The following NBAS variants were observed in gnomAD, a reference collection of about 807,000 sequenced individuals.
The protein encoded by NBAS is NAG/BC035112 fusion.
NBAS carries 219 observed loss-of-function variants against 302.5 expected under a neutral mutation model. The observed-to-expected ratio is 0.72, with a 90% CI of 0.65 to 0.81. The LOEUF is 0.81. Among genes scored for constraint, NBAS ranks in the 30% least tolerant of loss-of-function variants. The pLI is 0.00. For missense variants in NBAS, 2,932 were observed against 2,841.6 expected (o/e 1.03, Z -0.72); for synonymous variants, 1,118 against 1,021.6 (o/e 1.09, Z -1.80).
In NBAS at chr2:15,167,252, G is replaced by A. The variant is rs1558402821; in HGVS notation, c.6912C>T (p.Val2304=). ...LLDAKLLVKC[V]STPFYPRIVD... ...CAATACGTGGATAGAAGGGAGTGGA[G>A]ACACACTTCACCAGCAGCTTGGCAT... The change falls in exon 52 of 52, where the codon GTC becomes GTT. Residue 2304 remains valine (V), a synonymous_variant. Transcript: ENST00000281513. 8 of 1,614,240 alleles carry A rather than the reference G, an allele frequency of 5.0e-6. No individual in the cohort carries two copies. Among genetic ancestry groups the A allele is most frequent in the African/African-American group, 1.3e-5 (1 of 75,066 alleles).
At chr2:15,374,001 C>T (rs1484920964) in intron 31 of NBAS, among the ~76,000 whole-genome samples, 1 of 152,134 alleles carries the variant, frequency 6.6e-6, no homozygotes, top group African/African-American at 2.4e-5. Flanking sequence ...TGTAAACAGT[C>T]CTCACAGCAT....
At chr2:14,980,497 G>A in the NBAS span, among the ~76,000 whole-genome samples, 10 of 152,104 alleles carry the variant, frequency 6.6e-5, no homozygotes, top group African/African-American at 2.2e-4. Context: ...AATAACCTCA[G>A]GTAAAAGACT....
At chr2:15,310,419 C>A (rs1409208633) in intron 38 of NBAS, among the ~76,000 whole-genome samples, 1 of 152,194 alleles carries the variant, frequency 6.6e-6, no homozygotes, top group East Asian at 1.9e-4. Context: ...AGGAATCATA[C>A]AGTTTTAGAG....
intron 50 of NBAS, among the ~76,000 whole-genome samples, chr2:15,180,958 C>A (rs1664791435): frequency 6.6e-6 from 1 of 152,122 alleles, no homozygotes. Flanking sequence ...GCAAAAGCAC[C>A]CTTAAATGTC....
chr2:15,509,843 C>G (rs550468810), intron 10 of NBAS, among the ~76,000 whole-genome samples: 7 of 123,094 alleles, frequency 5.7e-5, no homozygotes, highest in Admixed American at 5.1e-4. Flanking sequence ...ATAATTTTGG[C>G]CAAGTGCTCA....
chr2:15,491,058 T>C (rs1000307257), intron 11 of NBAS, among the ~76,000 whole-genome samples: 3 of 152,214 alleles, frequency 2.0e-5, no homozygotes, highest in Non-Finnish European at 4.4e-5. Context: ...TAGTATTTTT[T>C]AATTTTTAAA....
At chr2:15,462,820 T>C (rs1455885772) in intron 19 of NBAS, among the ~76,000 whole-genome samples, 1 of 151,928 alleles carries the variant, frequency 6.6e-6, no homozygotes, top group Non-Finnish European at 1.5e-5. Context: ...GGAGATTAAA[T>C]AGAATGAGTT....
At chr2:15,374,924 T>G (rs1018841015) in intron 30 of NBAS, among the ~76,000 whole-genome samples, 2 of 152,162 alleles carry the variant, frequency 1.3e-5, no homozygotes. Context: ...TTCAGGGAGC[T>G]AAAACTGAAA....
chr2:15,455,298 G>A (rs1006771988), intron 21 of NBAS, among the ~76,000 whole-genome samples: 1 of 151,974 alleles, frequency 6.6e-6, no homozygotes, highest in African/African-American at 2.4e-5. Context: ...ATGCCCTATG[G>A]TTTTCACTAA....
the NBAS span, among the ~76,000 whole-genome samples, chr2:14,854,586 A>T: frequency 6.6e-6 from 1 of 151,466 alleles, no homozygotes; most frequent in Non-Finnish European, 1.5e-5. Flanking sequence ...TCCTCCCCTC[A>T]CCCCCAGCAA....
At chr2:15,484,859 T>C (rs1424672526) in intron 12 of NBAS, among the ~76,000 whole-genome samples, 1 of 152,136 alleles carries the variant, frequency 6.6e-6, no homozygotes, top group African/African-American at 2.4e-5. Context: ...TGTTATTACG[T>C]AAATAGGAAC....
chr2:15,138,528 C>T, the NBAS span, among the ~76,000 whole-genome samples: 1 of 152,064 alleles, frequency 6.6e-6, no homozygotes, highest in African/African-American at 2.4e-5. Flanking sequence ...TCCTTTTATC[C>T]CGGGGAGCAG....
chr2:15,360,076 G>C (rs1281862037), intron 32 of NBAS, among the ~76,000 whole-genome samples: 1 of 151,944 alleles, frequency 6.6e-6, no homozygotes, highest in Non-Finnish European at 1.5e-5. Context: ...ACATAGAAAA[G>C]GTACAGTAAA....
the NBAS span, among the ~76,000 whole-genome samples, chr2:15,014,521 G>C: frequency 2.0e-5 from 3 of 152,070 alleles, no homozygotes; most frequent in Non-Finnish European, 4.4e-5. Context: ...ACATGTTCCT[G>C]ACTGACCAAT....
At chr2:15,058,994 T>C in the NBAS span, among the ~76,000 whole-genome samples, 1 of 152,176 alleles carries the variant, frequency 6.6e-6, no homozygotes, top group Non-Finnish European at 1.5e-5. Flanking sequence ...GCCCATCTGT[T>C]TGAGCAATGT....
the NBAS span, among the ~76,000 whole-genome samples, chr2:15,158,096 C>G: frequency 2.0e-5 from 3 of 152,174 alleles, no homozygotes; most frequent in African/African-American, 7.2e-5. Flanking sequence ...TGCACTGATT[C>G]CAATGACCTT....
intron 12 of NBAS, among the ~76,000 whole-genome samples, chr2:15,485,094 T>C (rs1680568174): frequency 6.6e-6 from 1 of 152,108 alleles, no homozygotes; most frequent in Non-Finnish European, 1.5e-5. Context: ...GTACTCTAGA[T>C]ATCTATTAGA....
At chr2:14,930,514 T>C in the NBAS span, among the ~76,000 whole-genome samples, 2 of 152,194 alleles carry the variant, frequency 1.3e-5, no homozygotes, top group African/African-American at 4.8e-5. Flanking sequence ...AAGGAAATGA[T>C]ATCTGATAGA....
chr2:15,152,063 T>C, the NBAS span, among the ~76,000 whole-genome samples: 1 of 152,148 alleles, frequency 6.6e-6, no homozygotes, highest in Non-Finnish European at 1.5e-5. Context: ...GTGGCCAGGC[T>C]GGTTTTGAAC....
Sources: gnomAD v4.1 joint callset for allele counts (sites outside exome capture counted in the v4.1 genomes callset) on GRCh38, gnomAD v4.1.1 for gene constraint, MANE v1.5 for transcripts, NCBI Gene and HGNC (gene_info 2026-07-23, HGNC 2026-07-21) for gene names.